The following PTGER3 variants were observed in gnomAD, a reference collection of about 807,000 sequenced individuals.
PTGER3 encodes prostaglandin E receptor 3, also known as prostaglandin E2 receptor EP3 subtype.
PTGER3 carries 22 observed loss-of-function variants against 34.7 expected under a neutral mutation model. The observed-to-expected ratio is 0.63, with a 90% confidence interval of 0.45 to 0.91. The LOEUF (loss-of-function observed/expected upper bound fraction) is 0.91. Among genes scored for constraint, PTGER3 ranks in the 40% least tolerant of loss-of-function variants. PTGER3 has a pLI of 0.00. For missense variants in PTGER3, 468 were observed against 519.4 expected, an observed-to-expected ratio of 0.90 and a Z score of 0.96; for synonymous variants, 241 against 230.1, an observed-to-expected ratio of 1.05 and a Z score of -0.43.
chr1:70,976,070 G>A (rs533375180), intron 2 of PTGER3, among the ~76,000 whole-genome samples: 5 of 151,972 alleles, frequency 3.3e-5, no homozygotes, highest in African/African-American at 1.2e-4. Context: ...TACAGCTGTA[G>A]GAATTTCGAT....
At chr1:70,967,264 T>G (rs553705277), downstream of PTGER3, among the ~76,000 whole-genome samples, 6 of 152,258 alleles carry the variant, frequency 3.9e-5, no homozygotes, top group East Asian at 1.2e-3. Context: ...TTAGGCATCA[T>G]TCATTTATAT....
intron 4 of PTGER3, among the ~76,000 whole-genome samples, chr1:70,868,789 G>A (rs1204384961): frequency 6.6e-6 from 1 of 152,132 alleles, no homozygotes; most frequent in Non-Finnish European, 1.5e-5. Context: ...AACCTCAAAA[G>A]TTCATAAATC....
rs1441290122 is a variant in PTGER3, at chr1:71,047,783, G to T, written c.-206C>A. 11 of 426,964 alleles carry T rather than the reference G, an allele frequency of 2.6e-5. No individual in the cohort carries two copies. Among genetic ancestry groups the T allele is most frequent in the Middle Eastern group, 6.5e-4 (1 of 1,540 alleles). The allele number at this position is 426,964 out of a possible 1,614,324, so 26.4% of individuals were successfully genotyped here. A position where few individuals can be genotyped will look rare whatever the true frequency, so the allele number is the denominator to read the frequency against. On this transcript the variant is annotated 5_prime_UTR_variant, in exon 1 of 4. Coordinates refer to ENST00000306666, the MANE Select transcript of PTGER3 (RefSeq NM_198719.2). ...GCTCACTGGCCCGGGAGGGAGCCACGCCTTCCTCTCTGGGAAACCTCTGGT... is the reference window on the plus strand; with the variant it reads ...GCTCACTGGCCCGGGAGGGAGCCACTCCTTCCTCTCTGGGAAACCTCTGGT...
chr1:70,983,980 C>T (rs1043396515), intron 2 of PTGER3, among the ~76,000 whole-genome samples: 3 of 152,116 alleles, frequency 2.0e-5, no homozygotes, highest in East Asian at 1.9e-4. Flanking sequence ...CTGAACTGGC[C>T]GGAAGACGAA....
chr1:70,943,188 C>T (rs1649913271), intron 4 of PTGER3, among the ~76,000 whole-genome samples: 1 of 152,146 alleles, frequency 6.6e-6, no homozygotes, highest in Non-Finnish European at 1.5e-5. Flanking sequence ...GCCTTAACTC[C>T]TGACAATATG....
At chr1:70,969,902 G>A (rs921824381), downstream of PTGER3, among the ~76,000 whole-genome samples, 5 of 152,100 alleles carry the variant, frequency 3.3e-5, no homozygotes, top group South Asian at 4.1e-4. Context: ...TTTTATGTAC[G>A]TTATTACAAT....
chr1:70,888,352 G>A (rs904566493), intron 4 of PTGER3, among the ~76,000 whole-genome samples: 25 of 152,162 alleles, frequency 1.6e-4, no homozygotes, highest in Non-Finnish European at 2.9e-4. Context: ...ATGTATCTAT[G>A]TAGATCCTAT....
chr1:70,896,140 AC>A (rs1646718121), intron 4 of PTGER3, among the ~76,000 whole-genome samples: 2 of 152,270 alleles, frequency 1.3e-5, no homozygotes, highest in South Asian at 4.1e-4. Flanking sequence ...AAATGTCCTT[AC>A]TTAATTAAAT....
chr1:71,038,994 C>T (rs192704324), intron 1 of PTGER3, among the ~76,000 whole-genome samples: 1 of 152,266 alleles, frequency 6.6e-6, no homozygotes, highest in East Asian at 1.9e-4. Context: ...TAGGTTTGTG[C>T]ACATATAGGA....
intron 4 of PTGER3, among the ~76,000 whole-genome samples, chr1:70,930,882 C>A (rs1480057697): frequency 6.6e-6 from 1 of 152,118 alleles, no homozygotes; most frequent in Non-Finnish European, 1.5e-5. Context: ...CATGTTCTCA[C>A]ATTTCAAAAC....
At chr1:70,944,893 C>A (rs1307443293) in intron 4 of PTGER3, among the ~76,000 whole-genome samples, 1 of 152,018 alleles carries the variant, frequency 6.6e-6, no homozygotes, top group African/African-American at 2.4e-5. Context: ...AGAATATTTG[C>A]CTCCCAAAGG....
intron 4 of PTGER3, among the ~76,000 whole-genome samples, chr1:70,920,417 G>A (rs577489022): frequency 6.6e-6 from 1 of 152,302 alleles, no homozygotes; most frequent in South Asian, 2.1e-4. Context: ...GTCCTACTGC[G>A]ATTGAGCAGG....
chr1:70,940,250 C>T lies in PTGER3; in HGVS notation c.*23+13513G>A, dbSNP rs150533860. On this transcript the variant is annotated intron_variant, in intron 4 of 4. Transcript: ENST00000370931. The stretch of plus-strand genomic sequence containing the variant: ...CCTCCACCTGAGACCACCTCAGCCT[C>T]GACCTTATTTTCCATATTGCTATCA... 3.3e-3 allele frequency among the ~76,000 whole-genome samples: 501 copies of T among 152,308 alleles called. 4 individuals carry two copies. Among genetic ancestry groups the T allele is most frequent in the African/African-American group, 0.011 (473 of 41,566 alleles).
At chr1:70,961,329 G>GT (rs1191193286) in intron 2 of PTGER3, among the ~76,000 whole-genome samples, 2 of 152,118 alleles carry the variant, frequency 1.3e-5, no homozygotes, top group Non-Finnish European at 2.9e-5. Flanking sequence ...TTTCCACTTG[G>GT]TTTCAGTGAA....
At chr1:70,977,342 C>T (rs1004121683) in intron 2 of PTGER3, among the ~76,000 whole-genome samples, 1 of 152,098 alleles carries the variant, frequency 6.6e-6, no homozygotes, top group Non-Finnish European at 1.5e-5. Flanking sequence ...TTCACAGAGC[C>T]ATGCTGCCTC....
At chr1:70,892,861 A>G (rs1342871633) in intron 4 of PTGER3, among the ~76,000 whole-genome samples, 1 of 151,364 alleles carries the variant, frequency 6.6e-6, no homozygotes, top group East Asian at 1.9e-4. Context: ...AAAAAGAAAG[A>G]AAAAAAAGAG....
In PTGER3 at chr1:71,046,536, C is replaced by G. The variant is rs1039314632; in HGVS notation, c.897+145G>C. The G allele has an allele frequency of 1.6e-5, 17 of 1,052,182 alleles. No individual in the cohort carries two copies. In the Admixed American group the frequency reaches 4.4e-4, roughly 27 times the overall value. 65.2% of individuals were successfully genotyped at this position (1,052,182 alleles called of 1,614,324 possible). Reference sequence around the variant, plus strand: ...AGGAGCTCAGCTCTGAAGCTGTAACCAAGACCGCGCGGGCAGGAGGAAAGG... The same window carrying G: ...AGGAGCTCAGCTCTGAAGCTGTAACGAAGACCGCGCGGGCAGGAGGAAAGG... On this transcript the variant is annotated intron_variant, in intron 1 of 3. Coordinates refer to ENST00000306666, the MANE Select transcript of PTGER3 (RefSeq NM_198719.2).
At chr1:71,009,760 AGACATATGTATG>A in intron 2 of PTGER3, 6 of 985,178 alleles carry the variant, frequency 6.1e-6, no homozygotes, top group Non-Finnish European at 7.2e-6. Context: ...TTTCCTGATT[AGACATATGTATG>A]GACAAACTAA....
At chr1:70,915,706 T>A (rs1021549522) in intron 4 of PTGER3, among the ~76,000 whole-genome samples, 3 of 151,996 alleles carry the variant, frequency 2.0e-5, no homozygotes, top group African/African-American at 7.2e-5. Flanking sequence ...ATTTTCTGAA[T>A]AGGGTGTCCT....
Sources: gnomAD v4.1 joint callset for allele counts (sites outside exome capture counted in the v4.1 genomes callset) on GRCh38, gnomAD v4.1.1 for gene constraint, MANE v1.5 for transcripts, NCBI Gene and HGNC (gene_info 2026-07-23, HGNC 2026-07-21) for gene names.